KCNT1: variants seen among roughly 807,000 people sequenced by gnomAD.
KCNT1 encodes potassium channel subfamily T member 1.
Under a neutral mutation model 147.8 loss-of-function variants are expected in KCNT1, and 78 were observed. The ratio of observed to expected loss-of-function variants is 0.53; its 90% CI spans 0.44 to 0.64. KCNT1 has a LOEUF of 0.64. Ranked by LOEUF, KCNT1 falls within the 30% of genes least tolerant of loss-of-function variation. The pLI is 0.00. For missense variants in KCNT1, 1,419 were observed against 1,750.3 expected, an observed-to-expected ratio of 0.81 and a Z score of 3.38; for synonymous variants, 867 against 748.8, an observed-to-expected ratio of 1.16 and a Z score of -2.58.
At chr9:135,787,041 G>A (rs1834110376) in intron 29 of KCNT1, among the ~76,000 whole-genome samples, 1 of 152,198 alleles carries the variant, frequency 6.6e-6, no homozygotes, top group Non-Finnish European at 1.5e-5. Context: ...AAGACTGGTG[G>A]GGACCCCCTC....
chr9:135,779,269 A>C, intron 23 of KCNT1, 90 bp from the exon 24 acceptor site: 2 of 369,502 alleles, frequency 5.4e-6, no homozygotes, highest in Non-Finnish European at 9.9e-6. Context: ...CCCCGCCCTG[A>C]GACCCCCACA....
intron 2 of KCNT1, among the ~76,000 whole-genome samples, chr9:135,719,016 C>T (rs1358445570): frequency 2.0e-5 from 3 of 152,216 alleles, no homozygotes; most frequent in Non-Finnish European, 2.9e-5. Context: ...CCACTGCTTA[C>T]CAGATGGTGT....
At chr9:135,738,734 C>T (rs1449338004) in intron 2 of KCNT1, among the ~76,000 whole-genome samples, 2 of 152,150 alleles carry the variant, frequency 1.3e-5, no homozygotes, top group African/African-American at 4.8e-5. Flanking sequence ...CCCCTAACAC[C>T]CTGTGCCCAC....
At chr9:135,732,031 GA>G (rs1836501349) in intron 2 of KCNT1, among the ~76,000 whole-genome samples, 9 of 141,310 alleles carry the variant, frequency 6.4e-5, no homozygotes, top group Admixed American at 4.9e-4. Flanking sequence ...GAGAGAGAGA[GA>G]GAGAGAGAGG....
rs56307359 is a variant in KCNT1, at chr9:135,730,990, T to TAAAAA, written c.254+16289_254+16293dup. Among the ~76,000 whole-genome samples the TAAAAA allele has an allele frequency of 1.3e-3, 110 of 85,574 alleles. 3 individuals are homozygous for TAAAAA. The highest frequency in any genetic ancestry group is 4.0e-3 in the African/African-American group (89 of 22,060). The allele number at this position is 85,574 out of a possible 152,430, so 56.1% of individuals were successfully genotyped here. A position where few individuals can be genotyped will look rare whatever the true frequency, so the allele number is the denominator to read the frequency against. On this transcript the variant is annotated intron_variant, in intron 2 of 30. Transcript: ENST00000371757. This position sits in a 1 kb window ranked among gnomAD's most constrained non-coding sequence, Gnocchi z 4.7. The stretch of plus-strand genomic sequence containing the variant: ...AACAAAGTGAGATCCCGTCTCAAGG[T>TAAAAA]AAAAAAAAAAAAAAAAAAAAAAAGT...
rs193138463 is a variant in KCNT1 at position 135,751,762 on chromosome 9, G to C, written c.434+721G>C. On this transcript the variant is annotated intron_variant, in intron 4 of 30. Transcript: ENST00000371757. ...GCCCTGCGGCCCTCGGTGCCGGCCT[G>C]TCCTGAGTCATGTCTTTGGGGACCA... Among the ~76,000 whole-genome samples, 922 of 152,292 alleles carry C rather than the reference G, an allele frequency of 6.1e-3. 14 individuals carry two copies. Among genetic ancestry groups the C allele is most frequent in the African/African-American group, 0.021 (861 of 41,570 alleles).
Position 135,779,239 on chromosome 9 carries a change from A to AC in KCNT1, c.2730-113dup, listed in dbSNP as rs376408628. 724 of 338,638 alleles carry AC rather than the reference A, an allele frequency of 2.1e-3. 4 individuals carry two copies. The highest frequency in any genetic ancestry group is 0.015 in the African/African-American group (299 of 19,406). 21.0% of individuals were successfully genotyped at this position (338,638 alleles called of 1,614,324 possible). A position where few individuals can be genotyped will look rare whatever the true frequency, so the allele number is the denominator to read the frequency against. Reference sequence around the variant, plus strand: ...CCAAGACAGTGGGCCCTGCCCTGAGACCCCCCCACAGCCATGGGACCCCGC... The same window carrying AC: ...CCAAGACAGTGGGCCCTGCCCTGAGACCCCCCCCACAGCCATGGGACCCCGC... On this transcript the variant is annotated intron_variant, in intron 23 of 30. Transcript: ENST00000371757.
intron 11 of KCNT1, among the ~76,000 whole-genome samples, chr9:135,761,583 G>C (rs1301303713): frequency 1.3e-5 from 2 of 152,202 alleles, no homozygotes; most frequent in Non-Finnish European, 2.9e-5. Flanking sequence ...GAGGTGCAGG[G>C]GGACCTGCTT....
intron 2 of KCNT1, among the ~76,000 whole-genome samples, chr9:135,731,900 C>G (rs1298567644): frequency 6.8e-6 from 1 of 147,870 alleles, no homozygotes; most frequent in African/African-American, 2.5e-5. Context: ...TCCTGGGACT[C>G]CGTGCACAGT....
intron 28 of KCNT1, chr9:135,785,782 G>C (rs1190872994): frequency 2.3e-6 from 1 of 429,794 alleles, no homozygotes; most frequent in Non-Finnish European, 4.3e-6. Flanking sequence ...GTTTGCAAGA[G>C]GGATCAGGGC....
At chr9:135,727,463 T>TCTCC (rs1836265684) in intron 2 of KCNT1, among the ~76,000 whole-genome samples, 1 of 148,246 alleles carries the variant, frequency 6.7e-6, no homozygotes, top group Non-Finnish European at 1.5e-5. Context: ...TCTTTCTCTC[T>TCTCC]CTCCCTCTCT....
At chr9:135,708,726 G>A (rs1285771712) in intron 1 of KCNT1, among the ~76,000 whole-genome samples, 1 of 152,170 alleles carries the variant, frequency 6.6e-6, no homozygotes, top group Non-Finnish European at 1.5e-5. Context: ...GTTATTTTTT[G>A]TAGAGGAAGG....
In KCNT1 at chr9:135,786,496, C is replaced by T. The variant is rs1196646112; in HGVS notation, c.3477C>T (p.His1159=). 1 of 1,598,642 alleles carries T rather than the reference C, an allele frequency of 6.3e-7. No homozygotes were observed. Among genetic ancestry groups the T allele is most frequent in the Admixed American group, 1.7e-5 (1 of 57,194 alleles). The change falls in exon 29 of 31, where the codon CAC becomes CAT. Residue 1159 remains histidine, a synonymous_variant. Coordinates refer to ENST00000371757, the MANE Select transcript of KCNT1 (RefSeq NM_020822.3). ...LSELVKNRMK[H]LGLPTTGYDE... is the part of the protein sequence containing the mutation. ...AGCTGGTGAAGAACCGCATGAAGCACCTGGGGCTGCCCACCACCGGCTACG... is the reference window on the plus strand; with the variant it reads ...AGCTGGTGAAGAACCGCATGAAGCATCTGGGGCTGCCCACCACCGGCTACG...
chr9:135,728,564 G>T (rs1343964323), intron 2 of KCNT1, among the ~76,000 whole-genome samples: 1 of 152,228 alleles, frequency 6.6e-6, no homozygotes, highest in Non-Finnish European at 1.5e-5. Context: ...ACAGGAAGTG[G>T]GAGGCATCTC....
chr9:135,772,703 G>A lies in KCNT1; in HGVS notation c.2009-12G>A, dbSNP rs1832837296. On this transcript the variant is annotated splice_polypyrimidine_tract_variant and intron_variant, in intron 18 of 30. Coordinates refer to ENST00000371757, the MANE Select transcript of KCNT1 (RefSeq NM_020822.3). ...GAGTCGGGCTGTGGCCAAGCACAGG[G>A]CTCTCTTCCAGGGACAGTGGCCATG... 1 of 1,370,710 alleles carries A rather than the reference G, an allele frequency of 7.3e-7. No homozygotes were observed. The highest frequency in any genetic ancestry group is 9.5e-7 in the Non-Finnish European group (1 of 1,057,052). The allele number at this position is 1,370,710 out of a possible 1,614,324, so 84.9% of individuals were successfully genotyped here.
chr9:135,771,681 C>T (rs139471608), intron 18 of KCNT1, among the ~76,000 whole-genome samples: 103 of 152,348 alleles, frequency 6.8e-4, no homozygotes, highest in Middle Eastern at 3.4e-3. Flanking sequence ...GGGATCCTCC[C>T]GGGGAGCCGC....
At chr9:135,753,019 T>G (rs1403478965) in intron 4 of KCNT1, among the ~76,000 whole-genome samples, 4 of 147,804 alleles carry the variant, frequency 2.7e-5, no homozygotes, top group Admixed American at 2.7e-4. Flanking sequence ...GATGGAGGGA[T>G]GGATGGATGG....
rs1475791209 is a variant in KCNT1, at chr9:135,770,598, A to G, written c.1769+151A>G. 6 of 1,084,232 alleles carry G rather than the reference A, an allele frequency of 5.5e-6. No homozygotes were observed. The East Asian group carries it at 7.8e-5, about 14-fold the overall frequency. The allele number at this position is 1,084,232 out of a possible 1,614,324, so 67.2% of individuals were successfully genotyped here. A position where few individuals can be genotyped will look rare whatever the true frequency, so the allele number is the denominator to read the frequency against. Reference sequence around the variant, plus strand: ...TCAGGTCATCCTGCCTGGCGAGGGCAGCCGCAGGACTGGGCTCCGGGTCCA... The same window carrying G: ...TCAGGTCATCCTGCCTGGCGAGGGCGGCCGCAGGACTGGGCTCCGGGTCCA... On this transcript the variant is annotated intron_variant, in intron 17 of 30. Transcript: ENST00000371757.
chr9:135,757,323 T>A lies in KCNT1; in HGVS notation c.701T>A (p.Leu234Gln), dbSNP rs201583448. Residue 234 changes from leucine (L) to glutamine (Q), a missense_variant, in exon 9 of 31, where the codon CTG becomes CAG. Physicochemically the swap from Leu to Gln is moderately radical, Grantham distance 113 (BLOSUM62 -2). Transcript: ENST00000371757. ...ITIFWPPLRNLFIPVFLNCWL... is the reference protein window; with the variant it reads ...ITIFWPPLRNQFIPVFLNCWL... ...ATCTTCTGGCCGCCGCTGCGGAACC[T>A]GTTCATCCCCGTCTTTCTGAACTGC... 6.2e-7 allele frequency: 1 copy of A among 1,612,040 alleles called. No homozygotes were observed. Among genetic ancestry groups the A allele is most frequent in the Non-Finnish European group, 8.5e-7 (1 of 1,179,988 alleles).
Sources: allele counts gnomAD v4.1 joint callset (sites outside exome capture counted in the v4.1 genomes callset), GRCh38; gene constraint gnomAD v4.1.1; non-coding constraint Gnocchi (gnomAD v3.1); transcripts MANE v1.5; gene names NCBI Gene and HGNC (gene_info 2026-07-23, HGNC 2026-07-21).